DYNC2H1: variants seen among roughly 807,000 people sequenced by gnomAD.
DYNC2H1 encodes the protein cytoplasmic dynein 2 heavy chain 1.
Under a neutral mutation model 570.0 loss-of-function variants are expected in DYNC2H1, and 410 were observed. The observed-to-expected ratio is 0.72, with a 90% confidence interval of 0.66 to 0.78. The LOEUF (loss-of-function observed/expected upper bound fraction) is 0.78, where lower values mean the gene tolerates loss of function less well. DYNC2H1 is among the 30% of genes least tolerant of loss of function. The pLI is 0.00. For missense variants in DYNC2H1, 4,865 were observed against 5,046.4 expected (o/e 0.96, Z 1.09); for synonymous variants, 1,688 against 1,677.6 (o/e 1.01, Z -0.15).
Position 103,245,301 on chromosome 11 carries a change from C to A in DYNC2H1, c.9969C>A (p.Thr3323=). 6.4e-7 allele frequency: 1 copy of A among 1,560,166 alleles called. No individual in the cohort carries two copies. The highest frequency in any genetic ancestry group is 8.7e-7 in the Non-Finnish European group (1 of 1,151,140). Residue 3323 remains threonine (T), a synonymous_variant, in exon 65 of 89, where the codon ACC becomes ACA. Coordinates refer to ENST00000375735, the MANE Select transcript of DYNC2H1 (RefSeq NM_001377.3). The surrounding 1 kb of genome is among the most constrained non-coding windows in gnomAD (Gnocchi z 4.5). ...AATTAGCAGTACGTTTTGGGAAAAC[C>A]CTTATTATACAAGAGATGGATGGTG... ...ALELAVRFGK[T]LIIQEMDGVE...
chr11:103,343,502 G>C (rs1002931548), intron 82 of DYNC2H1, among the ~76,000 whole-genome samples: 16 of 152,106 alleles, frequency 1.1e-4, no homozygotes, highest in Non-Finnish European at 2.1e-4. Flanking sequence ...GCCCCATCGG[G>C]GGTGGGGAGA....
intron 11 of DYNC2H1, 40 bp downstream of exon 11, chr11:103,123,040 A>G (rs761986603): frequency 4.7e-6 from 6 of 1,273,886 alleles, no homozygotes; most frequent in Non-Finnish European, 5.0e-6. Context: ...CCAAAACCAT[A>G]TGTTATTAAT....
chr11:103,148,144 A>G (rs1860338791), intron 19 of DYNC2H1, among the ~76,000 whole-genome samples: 1 of 152,186 alleles, frequency 6.6e-6, no homozygotes, highest in African/African-American at 2.4e-5. Context: ...ATTTCTGCTT[A>G]TCTCCTCAAA....
chr11:103,403,686 A>G (rs1432929814), intron 84 of DYNC2H1: 1 of 152,082 alleles, frequency 6.6e-6, no homozygotes, highest in African/African-American at 2.4e-5. Flanking sequence ...GGAATAGTTC[A>G]TGAGTGTAGG....
chr11:103,469,087 T>A (rs1415172638), intron 88 of DYNC2H1, among the ~76,000 whole-genome samples: 1 of 152,154 alleles, frequency 6.6e-6, no homozygotes, highest in African/African-American at 2.4e-5. Flanking sequence ...GATATTATTA[T>A]TCCCACTTTC....
intron 85 of DYNC2H1, among the ~76,000 whole-genome samples, chr11:103,451,500 T>C (rs528392734): frequency 3.9e-5 from 6 of 152,012 alleles, no homozygotes; most frequent in East Asian, 3.9e-4. Flanking sequence ...GCCTGGCTAA[T>C]TTTTGTATTT....
intron 50 of DYNC2H1, among the ~76,000 whole-genome samples, chr11:103,200,994 T>G (rs1862697868): frequency 6.6e-6 from 1 of 152,080 alleles, no homozygotes; most frequent in East Asian, 1.9e-4. Flanking sequence ...GCCTGGCTAA[T>G]TTTTGTAATT....
rs893658429 is a variant in DYNC2H1 at position 103,261,542 on chromosome 11, T to A, written c.10695+1565T>A. On this transcript the variant is annotated intron_variant, in intron 70 of 88. Transcript: ENST00000375735. The surrounding 1 kb of genome is among the most constrained non-coding windows in gnomAD (Gnocchi z 4.8). Reference sequence around the variant, plus strand: ...GCTGTTCTGCAGACTCTGCTGGTGATACCCAGGCAAACAGGGTCAGGAGTG... The same window carrying A: ...GCTGTTCTGCAGACTCTGCTGGTGAAACCCAGGCAAACAGGGTCAGGAGTG... Among the ~76,000 whole-genome samples the A allele has an allele frequency of 4.6e-5, 7 of 152,156 alleles. No individual in the cohort carries two copies. The highest frequency in any genetic ancestry group is 1.5e-5 in the Non-Finnish European group (1 of 68,022).
intron 59 of DYNC2H1, among the ~76,000 whole-genome samples, chr11:103,227,097 G>A (rs1863829653): frequency 6.6e-6 from 1 of 151,776 alleles, no homozygotes; most frequent in South Asian, 2.1e-4. Flanking sequence ...GGTTAATCTT[G>A]CAAATGGTCT....
At position 103,179,045 on chromosome 11, in the gene DYNC2H1, C is replaced by T. The variant is rs373665655; in HGVS notation, c.6159C>T (p.Ile2053=). 233 of 1,609,668 alleles carry T rather than the reference C, an allele frequency of 1.4e-4. No homozygotes were observed. The African/African-American group carries it at 2.9e-3, about 20-fold the overall frequency. Residue 2053 remains isoleucine, a synonymous_variant, in exon 39 of 89, where the codon ATC becomes ATT. Transcript: ENST00000375735. ...REPQDVSSWI[I]CDGDIDPEWI... Reference sequence around the variant, plus strand: ...AAATAGATGTCAGCTCATGGATAATCTGTGATGGTGATATTGACCCTGAAT... The same window carrying T: ...AAATAGATGTCAGCTCATGGATAATTTGTGATGGTGATATTGACCCTGAAT...
At chr11:103,434,304 C>A (rs192016824) in intron 84 of DYNC2H1, among the ~76,000 whole-genome samples, 45 of 152,184 alleles carry the variant, frequency 3.0e-4, no homozygotes, top group African/African-American at 1.0e-3. Context: ...ACAAACAAAT[C>A]TTTTCAAGAT....
chr11:103,342,333 C>G (rs1939492140), intron 82 of DYNC2H1, among the ~76,000 whole-genome samples: 1 of 151,972 alleles, frequency 6.6e-6, no homozygotes, highest in African/African-American at 2.4e-5. Context: ...CCAATCAGCA[C>G]TCTGTAAAAT....
At chr11:103,161,343 G>T (rs1192435521) in intron 29 of DYNC2H1, among the ~76,000 whole-genome samples, 1 of 152,114 alleles carries the variant, frequency 6.6e-6, no homozygotes, top group African/African-American at 2.4e-5. Flanking sequence ...GTGACTTACA[G>T]TGTTGTTTTT....
Position 103,471,763 on chromosome 11 carries a change from C to G in DYNC2H1, c.12765+3058C>G, listed in dbSNP as rs1185494058. On this transcript the variant is annotated intron_variant, in intron 88 of 88. Transcript: ENST00000375735. The stretch of plus-strand genomic sequence containing the variant: ...GGGTTACGAAGATAAACAGATTTCT[C>G]CTGCAGAGTCTTCCGCCAACTGGGG... Among the ~76,000 whole-genome samples the G allele has an allele frequency of 2.0e-5, 3 of 152,160 alleles. No homozygotes were observed. The East Asian group carries it at 5.8e-4, about 29-fold the overall frequency.
intron 1 of DYNC2H1, 116 bp from the exon 2 acceptor site, chr11:103,113,421 T>G: frequency 1.3e-6 from 1 of 780,332 alleles, no homozygotes. Context: ...ATATATTTAT[T>G]TTTAAAGTAA....
chr11:103,134,681 C>A (rs1859448557), intron 15 of DYNC2H1, among the ~76,000 whole-genome samples: 1 of 151,864 alleles, frequency 6.6e-6, no homozygotes, highest in Non-Finnish European at 1.5e-5. Context: ...AGGTTTTTGT[C>A]TTGGTATTTA....
intron 69 of DYNC2H1, among the ~76,000 whole-genome samples, chr11:103,259,070 C>G (rs777815721): frequency 6.6e-5 from 10 of 152,296 alleles, no homozygotes; most frequent in Non-Finnish European, 1.0e-4. Flanking sequence ...CATTTCTTTG[C>G]TGATCCTGGA....
In DYNC2H1 at chr11:103,324,170, TC is replaced by T. The variant is rs1212662695; in HGVS notation, c.12039+181del. On this transcript the variant is annotated intron_variant, in intron 82 of 88. Coordinates refer to ENST00000375735, the MANE Select transcript of DYNC2H1 (RefSeq NM_001377.3). This position sits in a 1 kb window ranked among gnomAD's most constrained non-coding sequence, Gnocchi z 5.2. Reference sequence around the variant, plus strand: ...AAATATTTGATTTTCTGATTTTTTTTCTTTTTAAACTTTTATTTTAGACTCA... The same window carrying T: ...AAATATTTGATTTTCTGATTTTTTTTTTTTTAAACTTTTATTTTAGACTCA... Among the ~76,000 whole-genome samples, 1 of 152,260 alleles carries T rather than the reference TC, an allele frequency of 6.6e-6. No individual in the cohort carries two copies. Among genetic ancestry groups the T allele is most frequent in the Non-Finnish European group, 1.5e-5 (1 of 68,048 alleles).
intron 77 of DYNC2H1, among the ~76,000 whole-genome samples, chr11:103,307,304 A>T (rs1201869219): frequency 6.6e-6 from 1 of 152,162 alleles, no homozygotes; most frequent in Non-Finnish European, 1.5e-5. Context: ...AAGCAGTGAG[A>T]ATCTAAAGAC....
Sources: allele counts gnomAD v4.1 joint callset (sites outside exome capture counted in the v4.1 genomes callset), GRCh38; gene constraint gnomAD v4.1.1; non-coding constraint Gnocchi (gnomAD v3.1); transcripts MANE v1.5; gene names NCBI Gene and HGNC (gene_info 2026-07-23, HGNC 2026-07-21).